Variants in DGKG observed in about 807,000 individuals in gnomAD.
The protein encoded by DGKG is diacylglycerol kinase gamma.
DGKG carries 78 observed loss-of-function variants against 105.3 expected under a neutral mutation model. The observed-to-expected ratio is 0.74, with a 90% confidence interval of 0.62 to 0.89. The LOEUF is 0.89. Among genes scored for constraint, DGKG ranks in the 40% least tolerant of loss-of-function variants. DGKG has a pLI of 0.00. For missense variants in DGKG, 958 were observed against 1,020.1 expected (o/e 0.94, Z 0.83); for synonymous variants, 346 against 367.1 (o/e 0.94, Z 0.66).
At chr3:186,249,772 T>G (rs4686757) in intron 19 of DGKG, among the ~76,000 whole-genome samples, 138,832 of 152,244 alleles carry the variant, frequency 0.91, 63,994 homozygotes, top group East Asian at 1. Context: ...AGCGGAGGTT[T>G]CAGTGAGCTG....
rs113890947 is a variant in DGKG at position 186,225,503 on chromosome 3, A to G, written c.1827-13618T>C. On this transcript the variant is annotated intron_variant, in intron 20 of 24. Transcript: ENST00000265022. ...GCCAAGGCTCTTATGGGGCCTGGCA[A>G]TGTGTTTATTTGGCTTGCATGGTGG... Among the ~76,000 whole-genome samples the G allele has an allele frequency of 7.8e-3, 1,182 of 152,238 alleles. 9 individuals carry two copies. The highest frequency in any genetic ancestry group is 0.027 in the African/African-American group (1,129 of 41,534).
chr3:186,291,486 A>G (rs1167225783), intron 5 of DGKG, among the ~76,000 whole-genome samples: 1 of 152,230 alleles, frequency 6.6e-6, no homozygotes, highest in African/African-American at 2.4e-5. Context: ...ATTGGAAGCA[A>G]TCTAGATGTC....
rs1217782889 is a variant in DGKG at position 186,148,799 on chromosome 3, T to C, written c.*1291A>G. ...CTTCGTTCATAATAGGGAGCTACTT[T>C]CATTCCCCTTAACCCTTGTGATCAC... On this transcript the variant is annotated 3_prime_UTR_variant, in exon 25 of 25. Transcript: ENST00000265022. 1 of 985,478 alleles carries C rather than the reference T, an allele frequency of 1.0e-6. No homozygotes were observed. Among genetic ancestry groups the C allele is most frequent in the African/African-American group, 1.7e-5 (1 of 57,162 alleles). 61.0% of individuals were successfully genotyped at this position (985,478 alleles called of 1,614,324 possible).
Position 186,188,297 on chromosome 3 carries a change from G to A in DGKG, c.2000C>T (p.Thr667Ile). The change falls in exon 22 of 25, where the codon ACC becomes ATC. Residue 667 changes from threonine (T) to isoleucine (I), a missense_variant. Thr to Ile is a moderately conservative substitution (Grantham distance 89, BLOSUM62 -1). Coordinates refer to ENST00000265022, the MANE Select transcript of DGKG (RefSeq NM_001346.3). ...ILNIPSMYGG[T>I]NLWGENKKNR... ...CTTCTTGTTTTCTCCCCAGAGATTG[G>A]TGCCTCCGTACATGCTGGGAATGTT... 7 of 1,614,118 alleles carry A rather than the reference G, an allele frequency of 4.3e-6. No individual in the cohort carries two copies. The highest frequency in any genetic ancestry group is 5.9e-6 in the Non-Finnish European group (7 of 1,180,038).
chr3:186,194,377 C>G (rs1332386145), intron 21 of DGKG, among the ~76,000 whole-genome samples: 6 of 152,218 alleles, frequency 3.9e-5, no homozygotes, highest in African/African-American at 1.4e-4. Context: ...GCTTCCCAGC[C>G]GGTGCCGGCG....
chr3:186,332,514 C>G (rs1414047453), intron 1 of DGKG, among the ~76,000 whole-genome samples: 1 of 152,160 alleles, frequency 6.6e-6, no homozygotes, highest in Non-Finnish European at 1.5e-5. Context: ...AGCGTCTGCC[C>G]TAGACTCATG....
At chr3:186,292,996 G>A (rs1182165656) in intron 5 of DGKG, among the ~76,000 whole-genome samples, 1 of 152,050 alleles carries the variant, frequency 6.6e-6, no homozygotes, top group Non-Finnish European at 1.5e-5. Flanking sequence ...GTAAAATTCA[G>A]AGTAAAACTA....
chr3:186,295,603 T>C (rs1158508669), intron 5 of DGKG, among the ~76,000 whole-genome samples: 2 of 117,370 alleles, frequency 1.7e-5, no homozygotes, highest in Non-Finnish European at 3.4e-5. Flanking sequence ...CCTTTGGATA[T>C]CCATAAAGCT....
intron 22 of DGKG, among the ~76,000 whole-genome samples, chr3:186,171,857 T>G (rs904271241): frequency 6.7e-6 from 1 of 149,110 alleles, no homozygotes; most frequent in Non-Finnish European, 1.5e-5. Context: ...CCCAGTTGCT[T>G]TTTTTTTTTC....
intron 20 of DGKG, among the ~76,000 whole-genome samples, chr3:186,216,732 C>T (rs1030195741): frequency 4.6e-5 from 7 of 152,170 alleles, no homozygotes; most frequent in African/African-American, 1.4e-4. Flanking sequence ...CCCTGACTAC[C>T]AGAGAGCCTG....
At chr3:186,208,638 G>A (rs752074384) in intron 21 of DGKG, among the ~76,000 whole-genome samples, 5 of 152,150 alleles carry the variant, frequency 3.3e-5, no homozygotes, top group Admixed American at 6.5e-5. Flanking sequence ...AAACTTTAAC[G>A]CAGTTTTCCT....
chr3:186,249,755 C>T (rs147615943), intron 19 of DGKG, among the ~76,000 whole-genome samples: 25 of 152,242 alleles, frequency 1.6e-4, no homozygotes, highest in African/African-American at 2.9e-4. Context: ...ATCGCTTGAA[C>T]CTGGGAAGCG....
At chr3:186,319,007 C>G (rs1724952582) in intron 2 of DGKG, among the ~76,000 whole-genome samples, 1 of 152,216 alleles carries the variant, frequency 6.6e-6, no homozygotes, top group South Asian at 2.1e-4. Context: ...TCTGATTCCT[C>G]CAGGGTAGGC....
intron 9 of DGKG, 96 bp downstream of exon 9, chr3:186,279,755 G>T: frequency 6.8e-7 from 1 of 1,479,390 alleles, no homozygotes; most frequent in Non-Finnish European, 9.2e-7. Flanking sequence ...CTGTTGGGCA[G>T]TCTGGAGCAG....
intron 3 of DGKG, among the ~76,000 whole-genome samples, chr3:186,301,307 C>G (rs895086815): frequency 2.6e-5 from 4 of 152,184 alleles, no homozygotes; most frequent in Admixed American, 1.3e-4. Context: ...TAAAGCACAA[C>G]TCTGATAAAA....
At chr3:186,250,554 A>ATTTTTTTTTT (rs1165295513) in intron 19 of DGKG, among the ~76,000 whole-genome samples, 1 of 27,620 alleles carries the variant, frequency 3.6e-5, no homozygotes, top group Non-Finnish European at 9.1e-5. Flanking sequence ...TAATTCTGTC[A>ATTTTTTTTTT]TTCTTTTTTT....
chr3:186,336,291 A>G (rs780612711), intron 1 of DGKG, among the ~76,000 whole-genome samples: 2 of 152,146 alleles, frequency 1.3e-5, no homozygotes, highest in African/African-American at 2.4e-5. Context: ...CTGCATGACA[A>G]TCTCCATCTC....
chr3:186,285,091 G>A (rs1225243732), intron 6 of DGKG, among the ~76,000 whole-genome samples: 2 of 152,210 alleles, frequency 1.3e-5, no homozygotes, highest in African/African-American at 2.4e-5. Context: ...GAGTTAGGCA[G>A]ATTTAAATCC....
intron 23 of DGKG, among the ~76,000 whole-genome samples, chr3:186,162,834 G>T (rs1227598687): frequency 6.6e-6 from 1 of 151,790 alleles, no homozygotes; most frequent in South Asian, 2.1e-4. Context: ...GAGCCACCGC[G>T]CCTGGCCCAA....
Sources: gnomAD v4.1 joint callset for allele counts (sites outside exome capture counted in the v4.1 genomes callset) on GRCh38, gnomAD v4.1.1 for gene constraint, MANE v1.5 for transcripts, NCBI Gene and HGNC (gene_info 2026-07-23, HGNC 2026-07-21) for gene names.